The following CFTR variants were observed in gnomAD, a reference collection of about 807,000 sequenced individuals.
The protein encoded by CFTR is CF transmembrane conductance regulator, also known as cystic fibrosis transmembrane conductance regulator.
In CFTR, 181 loss-of-function variants were observed where a neutral mutation model predicts 171.6. That is an observed-to-expected ratio of 1.05 (90% confidence interval 0.93 to 1.19). CFTR has a LOEUF of 1.19. Ranked by LOEUF, CFTR falls within the 50% of genes most tolerant of loss-of-function variation. The probability of loss-of-function intolerance (pLI) is 0.00; values close to 1 mark genes in which losing one functional copy is unlikely to be tolerated. For synonymous variants in CFTR, 583 were observed against 608.0 expected (o/e 0.96, Z 0.60); for missense variants, 1,968 against 1,734.7 (o/e 1.13, Z -2.39).
In CFTR at chr7:117,595,017, AT is replaced by A. The variant is rs397508399; in HGVS notation, c.2583del (p.Phe861LeufsTer3). 1.9e-5 allele frequency: 30 copies of A among 1,612,964 alleles called. No homozygotes were observed. Among genetic ancestry groups the A allele is most frequent in the Non-Finnish European group, 2.5e-5 (30 of 1,179,364 alleles). Reference sequence around the variant, plus strand: ...ATATATTACTGTCCACAAGAGCTTAATTTTTGTGCTAATTTGGTGCTTAGTA... The same window carrying A: ...ATATATTACTGTCCACAAGAGCTTAATTTTGTGCTAATTTGGTGCTTAGTA... ...LRYITVHKSL[I>X]FVLIWCLVIF... On this transcript the variant is annotated frameshift_variant, in exon 15 of 27. Transcript: ENST00000003084. LOFTEE classifies it high-confidence loss of function.
chr7:117,603,467 A>T (rs944273682), intron 16 of CFTR, 65 bp from the exon 17 acceptor site: 2 of 1,579,632 alleles, frequency 1.3e-6, no homozygotes, highest in African/African-American at 2.7e-5. Flanking sequence ...AGTTCCATTT[A>T]CATGTATTGG....
intron 14 of CFTR, among the ~76,000 whole-genome samples, chr7:117,593,827 C>T (rs896039019): frequency 7.9e-5 from 12 of 152,150 alleles, no homozygotes; most frequent in Non-Finnish European, 1.5e-4. Context: ...AACTCCTGAC[C>T]TTGTGATCCA....
chr7:117,642,692 A>G (rs1792939666), intron 23 of CFTR, 99 bp downstream of exon 23: 3 of 1,267,090 alleles, frequency 2.4e-6, no homozygotes, highest in Non-Finnish European at 3.4e-6. Flanking sequence ...TCTGCAAAAT[A>G]TATTTGTTAT....
At chr7:117,629,602 G>A (rs1307421361) in intron 22 of CFTR, among the ~76,000 whole-genome samples, 4 of 152,182 alleles carry the variant, frequency 2.6e-5, no homozygotes, top group Non-Finnish European at 1.5e-5. Flanking sequence ...GTTTGAAACT[G>A]ACTTGTTTGG....
chr7:117,590,249 GA>G, intron 12 of CFTR, 103 bp from the exon 13 acceptor site: 1 of 1,341,916 alleles, frequency 7.5e-7, no homozygotes, highest in East Asian at 2.4e-5. Flanking sequence ...TCGATGTGGT[GA>G]CCATATTGTA....
chr7:117,611,711 C>G lies in CFTR; in HGVS notation c.3270C>G (p.Phe1090Leu), dbSNP rs1362358357. Reference protein sequence around the residue: ...KALNLHTANWFLYLSTLRWFQ... With the variant: ...KALNLHTANWLLYLSTLRWFQ... ...TGAATTTACATACTGCCAACTGGTT[C>G]TTGTACCTGTCAACACTGCGCTGGT... Residue 1090 changes from phenylalanine to leucine, a missense_variant, in exon 20 of 27, where the codon TTC becomes TTG. Physicochemically the swap from Phe to Leu is conservative, Grantham distance 22 (BLOSUM62 0). Coordinates refer to ENST00000003084, the MANE Select transcript of CFTR (RefSeq NM_000492.4). 1.2e-6 allele frequency: 2 copies of G among 1,613,532 alleles called. No individual in the cohort carries two copies. The highest frequency in any genetic ancestry group is 1.7e-5 in the Admixed American group (1 of 59,900).
chr7:117,647,120 C>T (rs1311048379), intron 23 of CFTR, among the ~76,000 whole-genome samples: 1 of 151,820 alleles, frequency 6.6e-6, no homozygotes, highest in Non-Finnish European at 1.5e-5. Context: ...AATAGATATT[C>T]TTGAAAACAA....
intron 8 of CFTR, 51 bp from the exon 9 acceptor site, chr7:117,541,965 A>G (rs1799059409): frequency 1.2e-6 from 1 of 849,640 alleles, no homozygotes; most frequent in Non-Finnish European, 2.0e-6. Flanking sequence ...GTAATAATGC[A>G]TTAATGCTAT....
chr7:117,562,539 G>C (rs758117895), intron 11 of CFTR, among the ~76,000 whole-genome samples: 1 of 152,160 alleles, frequency 6.6e-6, no homozygotes, highest in Non-Finnish European at 1.5e-5. Context: ...AAATGGCAAT[G>C]GGGTTGGGAA....
chr7:117,504,380 TG>T lies in CFTR; in HGVS notation c.164+18del. ...ATTGGAAAGGTATGTTCATGTACATTGTTTAGTTGAAGAGAGAAATTCATAT... is the reference window on the plus strand; with the variant it reads ...ATTGGAAAGGTATGTTCATGTACATTTTTAGTTGAAGAGAGAAATTCATAT... On this transcript the variant is annotated intron_variant, in intron 2 of 26. Coordinates refer to ENST00000003084, the MANE Select transcript of CFTR (RefSeq NM_000492.4). 2 of 1,191,938 alleles carry T rather than the reference TG, an allele frequency of 1.7e-6. No individual in the cohort carries two copies. The highest frequency in any genetic ancestry group is 1.5e-5 in the African/African-American group (1 of 66,830). The allele number at this position is 1,191,938 out of a possible 1,614,324, so 73.8% of individuals were successfully genotyped here.
chr7:117,549,302 G>T (rs1799228662), intron 10 of CFTR, among the ~76,000 whole-genome samples: 1 of 152,078 alleles, frequency 6.6e-6, no homozygotes, highest in Non-Finnish European at 1.5e-5. Context: ...TATTTAGTGG[G>T]ATAGTTTTTT....
intron 23 of CFTR, among the ~76,000 whole-genome samples, chr7:117,647,661 C>G (rs1793014386): frequency 6.7e-6 from 1 of 149,806 alleles, no homozygotes; most frequent in African/African-American, 2.5e-5. Flanking sequence ...AGATCCAAAC[C>G]ATACCACCAG....
At position 117,530,889 on chromosome 7, in the gene CFTR, C is replaced by A. The variant is rs397508425; in HGVS notation, c.274-10C>A. ...TGAAATTTAATTTCTCTGTTTTTCC[C>A]CTTTTGTAGGAAGTCACCAAAGCAG... On this transcript the variant is annotated splice_polypyrimidine_tract_variant and intron_variant, in intron 3 of 26. Transcript: ENST00000003084. 1.9e-6 allele frequency: 3 copies of A among 1,564,932 alleles called. No homozygotes were observed. The highest frequency in any genetic ancestry group is 1.8e-4 in the Middle Eastern group (1 of 5,426).
At chr7:117,647,515 T>G (rs1297733515) in intron 23 of CFTR, 1 of 151,564 alleles carries the variant, frequency 6.6e-6, no homozygotes, top group East Asian at 1.9e-4. Context: ...AATGAGCAGA[T>G]CTCATGAGAA....
intron 24 of CFTR, among the ~76,000 whole-genome samples, chr7:117,662,488 C>G (rs1456265046): frequency 1.3e-5 from 2 of 152,106 alleles, no homozygotes; most frequent in African/African-American, 2.4e-5. Flanking sequence ...TTGAGAGCAT[C>G]AAGGTGTTTA....
At chr7:117,567,649 G>A (rs954818719) in intron 11 of CFTR, among the ~76,000 whole-genome samples, 19 of 152,164 alleles carry the variant, frequency 1.2e-4, no homozygotes, top group African/African-American at 3.9e-4. Context: ...TATAACAGGA[G>A]TTCGTATTTG....
intron 3 of CFTR, among the ~76,000 whole-genome samples, chr7:117,521,256 A>G (rs1263967185): frequency 6.6e-6 from 1 of 151,980 alleles, no homozygotes; most frequent in Non-Finnish European, 1.5e-5. Context: ...TGCTGATAAT[A>G]CTTCTTGCTT....
At chr7:117,664,576 G>A (rs1793337295) in intron 24 of CFTR, 112 bp from the exon 25 acceptor site, 1 of 964,946 alleles carries the variant, frequency 1.0e-6, no homozygotes, top group Non-Finnish European at 1.7e-6. Context: ...TGGGGGTAGA[G>A]GGATTGGTAT....
At chr7:117,572,445 A>G (rs946890471) in intron 11 of CFTR, among the ~76,000 whole-genome samples, 1 of 152,114 alleles carries the variant, frequency 6.6e-6, no homozygotes, top group Non-Finnish European at 1.5e-5. Flanking sequence ...AAAAAACAGA[A>G]CCCCAATTTT....
Sources: gnomAD v4.1 joint callset for allele counts (sites outside exome capture counted in the v4.1 genomes callset) on GRCh38, gnomAD v4.1.1 for gene constraint, MANE v1.5 for transcripts, NCBI Gene and HGNC (gene_info 2026-07-23, HGNC 2026-07-21) for gene names.